XKR9: variants seen among roughly 807,000 people sequenced by gnomAD.
XKR9 encodes XK related 9.
A neutral mutation model predicts 32.0 loss-of-function variants in XKR9; 32 were observed. That is an observed-to-expected ratio of 1.00 (90% CI 0.76 to 1.34). XKR9 has a LOEUF of 1.34. XKR9 is among the 40% of genes most tolerant of loss of function. The probability of loss-of-function intolerance (pLI) is 0.00; values close to 1 mark genes in which losing one functional copy is unlikely to be tolerated. For missense variants in XKR9, 546 were observed against 429.7 expected, an observed-to-expected ratio of 1.27 and a Z score of -2.39; for synonymous variants, 168 against 143.4, an observed-to-expected ratio of 1.17 and a Z score of -1.22.
intron 2 of XKR9, among the ~76,000 whole-genome samples, chr8:70,741,574 C>T (rs547174707): frequency 2.0e-5 from 3 of 152,280 alleles, no homozygotes; most frequent in South Asian, 4.2e-4. Context: ...AGATTTACTT[C>T]TTTTTTTAAG....
the XKR9 span, among the ~76,000 whole-genome samples, chr8:70,938,266 G>T: frequency 6.6e-6 from 1 of 151,930 alleles, no homozygotes; most frequent in Non-Finnish European, 1.5e-5. Context: ...GTGTGTGTAT[G>T]CAGGTGTGCT....
chr8:70,789,735 CAG>C (rs537895644), intron 3 of XKR9, among the ~76,000 whole-genome samples: 1 of 111,468 alleles, frequency 9.0e-6, no homozygotes, highest in Non-Finnish European at 2.2e-5. Context: ...GTTAATAAAA[CAG>C]AATAAATAAT....
At chr8:70,817,480 T>C in the XKR9 span, among the ~76,000 whole-genome samples, 31 of 152,152 alleles carry the variant, frequency 2.0e-4, no homozygotes, top group Non-Finnish European at 7.4e-5. Flanking sequence ...TCACAGATAA[T>C]ACAAACAAAT....
At chr8:70,997,861 C>T in the XKR9 span, among the ~76,000 whole-genome samples, 4 of 152,146 alleles carry the variant, frequency 2.6e-5, no homozygotes, top group Non-Finnish European at 5.9e-5. Flanking sequence ...TTCTTCCCTC[C>T]CTTTGAATGT....
At chr8:70,792,353 C>T (rs1807775086), downstream of XKR9, among the ~76,000 whole-genome samples, 1 of 152,064 alleles carries the variant, frequency 6.6e-6, no homozygotes, top group South Asian at 2.1e-4. Flanking sequence ...CCAAGATCCT[C>T]AGGCGTGAGT....
At chr8:70,921,562 T>C in the XKR9 span, among the ~76,000 whole-genome samples, 1 of 152,254 alleles carries the variant, frequency 6.6e-6, no homozygotes, top group East Asian at 1.9e-4. Flanking sequence ...ATAGAAGATT[T>C]AGTTTTATTA....
chr8:70,732,949 C>T (rs1806721063), intron 4 of XKR9, among the ~76,000 whole-genome samples: 1 of 152,162 alleles, frequency 6.6e-6, no homozygotes, highest in African/African-American at 2.4e-5. Flanking sequence ...GAAACTCCAT[C>T]TGTACTAAAA....
intron 2 of XKR9, among the ~76,000 whole-genome samples, chr8:70,767,866 A>G (rs1251334476): frequency 2.6e-5 from 4 of 152,016 alleles, no homozygotes; most frequent in Non-Finnish European, 5.9e-5. Flanking sequence ...TAATCTTTTC[A>G]AAAATCCAGC....
At chr8:71,050,258 TATAGATAG>T in the XKR9 span, among the ~76,000 whole-genome samples, 846 of 106,596 alleles carry the variant, frequency 7.9e-3, 10 homozygotes, top group African/African-American at 0.028. Flanking sequence ...TATATATATA[TATAGATAG>T]ATAGATAGAT....
At chr8:70,676,522 G>A (rs1488675522) in intron 2 of XKR9, among the ~76,000 whole-genome samples, 1 of 152,150 alleles carries the variant, frequency 6.6e-6, no homozygotes, top group Non-Finnish European at 1.5e-5. Context: ...AAGACCTGCA[G>A]CTCTCTTTAT....
the XKR9 span, among the ~76,000 whole-genome samples, chr8:70,964,958 G>A: frequency 6.6e-6 from 1 of 152,012 alleles, no homozygotes; most frequent in Non-Finnish European, 1.5e-5. Flanking sequence ...TTGCCTGATT[G>A]CCCTGGCCAG....
At chr8:70,836,557 C>T in the XKR9 span, among the ~76,000 whole-genome samples, 436 of 146,482 alleles carry the variant, frequency 3.0e-3, 2 homozygotes, top group Middle Eastern at 0.011. Context: ...ATAAATACAC[C>T]ACAATAGAAT....
the XKR9 span, among the ~76,000 whole-genome samples, chr8:71,021,662 C>G: frequency 6.6e-6 from 1 of 151,990 alleles, no homozygotes; most frequent in African/African-American, 2.4e-5. Flanking sequence ...GCCACCATGC[C>G]CGGCCAATTT....
chr8:70,917,997 A>T, the XKR9 span, among the ~76,000 whole-genome samples: 1 of 152,194 alleles, frequency 6.6e-6, no homozygotes, highest in Non-Finnish European at 1.5e-5. Flanking sequence ...TAATATAAGG[A>T]TAGTATAGAT....
the XKR9 span, among the ~76,000 whole-genome samples, chr8:70,908,086 G>C: frequency 6.6e-6 from 1 of 151,964 alleles, no homozygotes; most frequent in South Asian, 2.1e-4. Context: ...AAATGGATAA[G>C]GTTCATTTAA....
At chr8:71,062,136 T>C in the XKR9 span, among the ~76,000 whole-genome samples, 1 of 152,230 alleles carries the variant, frequency 6.6e-6, no homozygotes, top group Non-Finnish European at 1.5e-5. Context: ...TCTGCGATGA[T>C]AGAGCCTCTG....
At chr8:70,913,347 A>C in the XKR9 span, among the ~76,000 whole-genome samples, 1 of 152,186 alleles carries the variant, frequency 6.6e-6, no homozygotes, top group Admixed American at 6.5e-5. Context: ...AATAAAATAC[A>C]AAGTGTTACT....
intron 3 of XKR9, among the ~76,000 whole-genome samples, chr8:70,686,083 G>T (rs1251365720): frequency 6.6e-6 from 1 of 151,640 alleles, no homozygotes; most frequent in Non-Finnish European, 1.5e-5. Context: ...TTCTTGCAAG[G>T]CAAGTCTACT....
In XKR9 at chr8:70,734,378, A is replaced by G. The variant is rs549479673; in HGVS notation, c.1076A>G (p.Lys359Arg). The change falls in exon 5 of 5, where the codon AAA becomes AGA. Residue 359 changes from lysine (K) to arginine (R), a missense_variant. Transcript: ENST00000408926. ...AETKCDEIDGKPVLRECRMRY... is the reference protein window; with the variant it reads ...AETKCDEIDGRPVLRECRMRY... ...ACAAAATGTGATGAAATTGATGGAA[A>G]ACCAGTTCTAAGAGAATGTAGAATG... The G allele has an allele frequency of 6.2e-7, 1 of 1,608,844 alleles. No homozygotes were observed. The highest frequency in any genetic ancestry group is 1.3e-5 in the African/African-American group (1 of 74,874).
Sources: gnomAD v4.1 joint callset for allele counts (sites outside exome capture counted in the v4.1 genomes callset) on GRCh38, gnomAD v4.1.1 for gene constraint, MANE v1.5 for transcripts, NCBI Gene and HGNC (gene_info 2026-07-23, HGNC 2026-07-21) for gene names.